TMEM108: variants seen among roughly 807,000 people sequenced by gnomAD.
TMEM108 encodes transmembrane protein 108, also known as cancer/testis antigen 124.
TMEM108 carries 12 observed loss-of-function variants against 35.1 expected under a neutral mutation model. The observed-to-expected ratio is 0.34, with a 90% CI of 0.22 to 0.55. The LOEUF is 0.55. Among genes scored for constraint, TMEM108 ranks in the 20% least tolerant of loss-of-function variants. TMEM108 has a pLI of 0.89. For missense variants in TMEM108, 680 were observed against 753.3 expected (o/e 0.90, Z 1.14); for synonymous variants, 287 against 308.6 (o/e 0.93, Z 0.73).
intron 2 of TMEM108, among the ~76,000 whole-genome samples, chr3:133,132,419 T>C (rs995916582): frequency 1.3e-5 from 2 of 152,196 alleles, no homozygotes; most frequent in African/African-American, 4.8e-5. Flanking sequence ...TGCTAAACTA[T>C]TATTGCCTGT....
intron 3 of TMEM108, among the ~76,000 whole-genome samples, chr3:133,378,003 G>A (rs898610370): frequency 1.3e-5 from 2 of 150,904 alleles, no homozygotes; most frequent in Non-Finnish European, 3.0e-5. Context: ...TACCCCCCCC[G>A]ACCAACTCCA....
At chr3:133,295,976 A>G (rs1345897861) in intron 3 of TMEM108, among the ~76,000 whole-genome samples, 1 of 152,208 alleles carries the variant, frequency 6.6e-6, no homozygotes, top group Non-Finnish European at 1.5e-5. Flanking sequence ...CTAACATGAA[A>G]GAGCTGGACG....
At chr3:133,042,570 T>C (rs1568481) in intron 1 of TMEM108, among the ~76,000 whole-genome samples, 68,275 of 152,054 alleles carry the variant, frequency 0.45, 15,580 homozygotes, top group African/African-American at 0.52. Flanking sequence ...AAAAATTATT[T>C]ATAAAATATT....
At chr3:133,279,312 G>T (rs1403210211) in intron 3 of TMEM108, among the ~76,000 whole-genome samples, 1 of 152,182 alleles carries the variant, frequency 6.6e-6, no homozygotes, top group East Asian at 1.9e-4. Context: ...CTTTCTGTCT[G>T]GGTCTGGAGA....
At chr3:133,175,875 G>C (rs1945216049) in intron 2 of TMEM108, among the ~76,000 whole-genome samples, 1 of 152,138 alleles carries the variant, frequency 6.6e-6, no homozygotes, top group Non-Finnish European at 1.5e-5. Flanking sequence ...ACACAGACTG[G>C]CAAATTGGAT....
rs548487982 is a variant in TMEM108 at position 133,232,351 on chromosome 3, C to T, written c.40+3000C>T. Among the ~76,000 whole-genome samples the T allele has an allele frequency of 1.8e-3, 278 of 152,186 alleles. 2 individuals are homozygous for T. Among genetic ancestry groups the T allele is most frequent in the South Asian group, 5.4e-3 (26 of 4,822 alleles). On this transcript the variant is annotated intron_variant, in intron 3 of 5. Transcript: ENST00000321871. ...GCTGGTTGTTTGAAAGAATCTGGCA[C>T]CTCCCTCTACCTTGCATCCACTCAC... is the stretch of plus-strand genomic sequence containing the variant.
intron 3 of TMEM108, among the ~76,000 whole-genome samples, chr3:133,263,024 A>G (rs1489317346): frequency 6.6e-6 from 1 of 152,224 alleles, no homozygotes; most frequent in Non-Finnish European, 1.5e-5. Context: ...GTTGCTGTAG[A>G]TCATAGGCAA....
chr3:133,274,818 A>T (rs560530872), intron 3 of TMEM108, among the ~76,000 whole-genome samples: 2 of 152,290 alleles, frequency 1.3e-5, no homozygotes, highest in South Asian at 4.2e-4. Context: ...TTTGCCAGTC[A>T]GGGGGTTAGA....
intron 2 of TMEM108, among the ~76,000 whole-genome samples, chr3:133,105,822 C>A (rs958728689): frequency 6.6e-6 from 1 of 152,212 alleles, no homozygotes; most frequent in African/African-American, 2.4e-5. Flanking sequence ...TTCTCTACAG[C>A]AAGCCTGAAG....
intron 3 of TMEM108, among the ~76,000 whole-genome samples, chr3:133,326,236 C>T (rs1466811597): frequency 6.6e-6 from 1 of 152,142 alleles, no homozygotes; most frequent in Non-Finnish European, 1.5e-5. Flanking sequence ...GTCTAATGGT[C>T]AAAACACATG....
Position 133,397,755 on chromosome 3 carries a change from CTTATT to C in TMEM108, c.*1775_*1779del, listed in dbSNP as rs1460141904. The C allele has an allele frequency of 6.6e-6, 1 of 152,050 alleles. No individual in the cohort carries two copies. The highest frequency in any genetic ancestry group is 2.4e-5 in the African/African-American group (1 of 41,396). 9.4% of individuals were successfully genotyped at this position (152,050 alleles called of 1,614,324 possible). ...CAGCTACCATGTATATATAAATAAA[CTTATT>C]TTATTAGCCAGAGGATTCTGTTGCT... On this transcript the variant is annotated 3_prime_UTR_variant, in exon 6 of 6. Transcript: ENST00000321871.
intron 2 of TMEM108, among the ~76,000 whole-genome samples, chr3:133,125,719 A>G (rs1944406662): frequency 6.6e-6 from 1 of 152,228 alleles, no homozygotes; most frequent in Non-Finnish European, 1.5e-5. Flanking sequence ...TGAAGTGTAT[A>G]TATAAATTTA....
intron 2 of TMEM108, among the ~76,000 whole-genome samples, chr3:133,196,523 G>A (rs1408081281): frequency 2.6e-5 from 4 of 152,160 alleles, no homozygotes; most frequent in African/African-American, 9.7e-5. Flanking sequence ...AAATTTACAT[G>A]TTTATACCTC....
chr3:133,321,553 G>A (rs2107719657), intron 3 of TMEM108, among the ~76,000 whole-genome samples: 1 of 152,078 alleles, frequency 6.6e-6, no homozygotes, highest in Middle Eastern at 3.4e-3. Context: ...GAGATAGACA[G>A]CAACAAAAAA....
rs150677425 is a variant in TMEM108 at position 133,368,750 on chromosome 3, C to A, written c.41-11002C>A. ...CTATGATTTTGTGGTAAGCATTCAG[C>A]TGCAAATAACTCAAATGTGTGGAAT... On this transcript the variant is annotated intron_variant, in intron 3 of 5. Coordinates refer to ENST00000321871, the MANE Select transcript of TMEM108 (RefSeq NM_023943.4). 3.5e-3 allele frequency among the ~76,000 whole-genome samples: 528 copies of A among 152,270 alleles called. 1 individual carries two copies. Among genetic ancestry groups the A allele is most frequent in the Non-Finnish European group, 6.0e-3 (406 of 68,022 alleles).
chr3:133,167,928 C>T (rs1426780409), intron 2 of TMEM108, among the ~76,000 whole-genome samples: 1 of 152,140 alleles, frequency 6.6e-6, no homozygotes, highest in Non-Finnish European at 1.5e-5. Context: ...GGGCTGCCAG[C>T]ACACTGTCAC....
intron 3 of TMEM108, among the ~76,000 whole-genome samples, chr3:133,252,160 T>G (rs2107669096): frequency 6.6e-6 from 1 of 152,254 alleles, no homozygotes; most frequent in Non-Finnish European, 1.5e-5. Context: ...GGGTAAATAT[T>G]GCTATTCACA....
chr3:133,064,399 T>A (rs75876694), intron 2 of TMEM108, among the ~76,000 whole-genome samples: 4,200 of 152,260 alleles, frequency 0.028, 104 homozygotes, highest in South Asian at 0.061. Flanking sequence ...GACAGATGCG[T>A]GGGTCTTTAA....
intron 3 of TMEM108, among the ~76,000 whole-genome samples, chr3:133,251,778 A>G (rs563714082): frequency 6.6e-6 from 1 of 150,632 alleles, no homozygotes; most frequent in Admixed American, 6.6e-5. Context: ...GCCACTTCCC[A>G]AGAGCAAATC....
Sources: allele counts gnomAD v4.1 joint callset (sites outside exome capture counted in the v4.1 genomes callset), GRCh38; gene constraint gnomAD v4.1.1; transcripts MANE v1.5; gene names NCBI Gene and HGNC (gene_info 2026-07-23, HGNC 2026-07-21).